BRWD1: variants seen among roughly 807,000 people sequenced by gnomAD.
The protein encoded by BRWD1 is bromodomain and WD repeat domain containing 1.
In BRWD1, 82 loss-of-function variants were observed where a neutral mutation model predicts 251.2. The observed-to-expected ratio is 0.33, with a 90% CI of 0.27 to 0.39. The LOEUF is 0.39. BRWD1 is among the 10% of genes least tolerant of loss of function. The pLI is 1.00. For missense variants in BRWD1, 2,233 were observed against 2,711.6 expected, an observed-to-expected ratio of 0.82 and a Z score of 3.92; for synonymous variants, 918 against 902.8, an observed-to-expected ratio of 1.02 and a Z score of -0.30.
intron 21 of BRWD1, among the ~76,000 whole-genome samples, chr21:39,247,076 CAA>C (rs542391369): frequency 3.1e-4 from 32 of 101,922 alleles, no homozygotes; most frequent in African/African-American, 1.0e-3. Context: ...GACTCCGTCT[CAA>C]AAAAAAAAAA....
chr21:39,232,512 G>T lies in BRWD1; in HGVS notation c.2767-14C>A. On this transcript the variant is annotated splice_polypyrimidine_tract_variant and intron_variant, in intron 23 of 40. Coordinates refer to ENST00000342449, the MANE Select transcript of BRWD1 (RefSeq NM_033656.4). ...CCTCCGCAAATTCTACCAAGGGGAA[G>T]AGAACAAAGTTTCTTAGATTAGAAA... 6.3e-7 allele frequency: 1 copy of T among 1,581,678 alleles called. No homozygotes were observed. Among genetic ancestry groups the T allele is most frequent in the South Asian group, 1.2e-5 (1 of 83,690 alleles).
chr21:39,189,951 TG>T lies in BRWD1; in HGVS notation c.*6307del, dbSNP rs1365396254. 3.0e-6 allele frequency: 3 copies of T among 985,304 alleles called. No homozygotes were observed. Among genetic ancestry groups the T allele is most frequent in the Admixed American group, 1.2e-4 (2 of 16,264 alleles). The allele number at this position is 985,304 out of a possible 1,614,324, so 61.0% of individuals were successfully genotyped here. A position where few individuals can be genotyped will look rare whatever the true frequency, so the allele number is the denominator to read the frequency against. On this transcript the variant is annotated 3_prime_UTR_variant, in exon 41 of 41. Coordinates refer to ENST00000342449, the MANE Select transcript of BRWD1 (RefSeq NM_033656.4). Reference sequence around the variant, plus strand: ...CCTCAGATGAGTCTTGTTTCAGTCATGGGTTTACAAAGTCATTGAGTGCTTG... The same window carrying T: ...CCTCAGATGAGTCTTGTTTCAGTCATGGTTTACAAAGTCATTGAGTGCTTG...
chr21:39,197,207 G>A lies in BRWD1; in HGVS notation c.5862C>T (p.His1954=). The A allele has an allele frequency of 6.2e-7, 1 of 1,614,028 alleles. No individual in the cohort carries two copies. Among genetic ancestry groups the A allele is most frequent in the Non-Finnish European group, 8.5e-7 (1 of 1,179,948 alleles). Residue 1954 remains histidine, a synonymous_variant, in exon 41 of 41, where the codon CAC becomes CAT. Coordinates refer to ENST00000342449, the MANE Select transcript of BRWD1 (RefSeq NM_033656.4). ...DVEDVSLENV[H]TRSKNGRKKP... ...TTTTCCTTCCATTTTTGCTTCTAGT[G>A]TGCACATTTTCTAAACTGACATCTT...
chr21:39,224,346 G>A, intron 29 of BRWD1, 62 bp downstream of exon 29: 3 of 949,838 alleles, frequency 3.2e-6, no homozygotes, highest in Non-Finnish European at 4.7e-6. Flanking sequence ...TGTTCCATGT[G>A]CACTGGCAAA....
At chr21:39,235,868 GA>G (rs1372933612) in intron 23 of BRWD1, 1 of 166,450 alleles carries the variant, frequency 6.0e-6, no homozygotes, top group African/African-American at 2.4e-5. Context: ...GATGTGTGGA[GA>G]GAACCATGGC....
intron 37 of BRWD1, among the ~76,000 whole-genome samples, chr21:39,203,698 C>T (rs563910982): frequency 1.3e-5 from 2 of 150,914 alleles, no homozygotes; most frequent in Admixed American, 1.3e-4. Flanking sequence ...TGAGCCACCG[C>T]GCCCAGCCGA....
rs1031478257 is a variant in BRWD1, at chr21:39,196,140, T to G, written c.*119A>C. 1.6e-5 allele frequency: 24 copies of G among 1,455,990 alleles called. No homozygotes were observed. Among genetic ancestry groups the G allele is most frequent in the Non-Finnish European group, 2.0e-5 (22 of 1,112,086 alleles). 90.2% of individuals were successfully genotyped at this position (1,455,990 alleles called of 1,614,324 possible). A position where few individuals can be genotyped will look rare whatever the true frequency, so the allele number is the denominator to read the frequency against. On this transcript the variant is annotated 3_prime_UTR_variant, in exon 41 of 41. Transcript: ENST00000342449. ...CATGATTTAGTCACATTCATAACTT[T>G]TCATAGAAAAATATAAATATATTCC...
Position 39,276,166 on chromosome 21 carries a change from C to T in BRWD1, c.1145+7G>A, listed in dbSNP as rs777671704. 1.0e-5 allele frequency: 16 copies of T among 1,606,240 alleles called. No individual in the cohort carries two copies. In the South Asian group the frequency reaches 1.2e-4, roughly 12 times the overall value. Reference sequence around the variant, plus strand: ...CACACACACACACATACAAAACACACACTTACCGATCACCATTGTTACAAA... The same window carrying T: ...CACACACACACACATACAAAACACATACTTACCGATCACCATTGTTACAAA... On this transcript the variant is annotated splice_region_variant and intron_variant, in intron 12 of 40. Transcript: ENST00000342449.
At chr21:39,294,980 C>T (rs919229271) in intron 7 of BRWD1, among the ~76,000 whole-genome samples, 2 of 152,026 alleles carry the variant, frequency 1.3e-5, no homozygotes, top group Non-Finnish European at 2.9e-5. Context: ...TTAATACTTA[C>T]TTGAACACTA....
intron 25 of BRWD1, among the ~76,000 whole-genome samples, chr21:39,230,130 TTAAG>T (rs1454331762): frequency 6.6e-6 from 1 of 152,220 alleles, no homozygotes; most frequent in Non-Finnish European, 1.5e-5. Context: ...AATCTTGATA[TTAAG>T]TTTCTGCCTA....
At chr21:39,218,347 A>G (rs1259703647) in intron 30 of BRWD1, 75 bp from the exon 31 acceptor site, 8 of 1,512,920 alleles carry the variant, frequency 5.3e-6, no homozygotes, top group Non-Finnish European at 7.1e-6. Flanking sequence ...GAAATCATTC[A>G]TAAGATATGG....
rs2031796053 is a variant in BRWD1 at position 39,196,097 on chromosome 21, G to A, written c.*162C>T. The A allele has an allele frequency of 2.9e-6, 4 of 1,386,276 alleles. No individual in the cohort carries two copies. The highest frequency in any genetic ancestry group is 9.3e-7 in the Non-Finnish European group (1 of 1,075,780). The allele number at this position is 1,386,276 out of a possible 1,614,324, so 85.9% of individuals were successfully genotyped here. On this transcript the variant is annotated 3_prime_UTR_variant, in exon 41 of 41. Coordinates refer to ENST00000342449, the MANE Select transcript of BRWD1 (RefSeq NM_033656.4). ...AATGCTGCTACAAAGACCAGCAAGT[G>A]CAAATAAAAATAACAGTCATGATTT...
intron 19 of BRWD1, among the ~76,000 whole-genome samples, chr21:39,252,046 C>T (rs2034411944): frequency 6.6e-6 from 1 of 151,946 alleles, no homozygotes; most frequent in Non-Finnish European, 1.5e-5. Context: ...GTACATGGAT[C>T]ACCTGAGGTC....
intron 37 of BRWD1, among the ~76,000 whole-genome samples, chr21:39,204,171 A>AG (rs2032277968): frequency 7.1e-6 from 1 of 140,224 alleles, no homozygotes; most frequent in Non-Finnish European, 1.5e-5. Context: ...AAAAAAAAAA[A>AG]GTGATCTGAT....
intron 4 of BRWD1, among the ~76,000 whole-genome samples, chr21:39,304,868 A>G (rs1017789457): frequency 6.6e-6 from 1 of 152,164 alleles, no homozygotes; most frequent in African/African-American, 2.4e-5. Flanking sequence ...TCAATTCAAT[A>G]GGAAAACAAA....
intron 8 of BRWD1, among the ~76,000 whole-genome samples, chr21:39,293,385 C>T (rs1367417222): frequency 1.3e-5 from 2 of 151,514 alleles, no homozygotes; most frequent in Admixed American, 6.6e-5. Context: ...TCTAGCTACT[C>T]GGGAGGCTGA....
At position 39,210,085 on chromosome 21, in the gene BRWD1, C is replaced by T. The variant is rs182568595; in HGVS notation, c.4107G>A (p.Ala1369=). The T allele has an allele frequency of 6.2e-5, 100 of 1,613,298 alleles. 1 individual carries two copies. The highest frequency in any genetic ancestry group is 6.0e-4 in the South Asian group (55 of 91,044). ...DFGTVRETLD[A]GNYDSPLEFC... ...ACTCCAAAGGGCTGTCATAATTTCCCGCATCTAGAGTTTCCCTTACTGTTC... is the reference window on the plus strand; with the variant it reads ...ACTCCAAAGGGCTGTCATAATTTCCTGCATCTAGAGTTTCCCTTACTGTTC... The change falls in exon 36 of 41, where the codon GCG becomes GCA. Residue 1369 remains alanine, a synonymous_variant. Transcript: ENST00000342449.
At chr21:39,222,551 G>A (rs1309595589) in intron 29 of BRWD1, among the ~76,000 whole-genome samples, 6 of 152,178 alleles carry the variant, frequency 3.9e-5, no homozygotes. Context: ...GGGGTTCCCA[G>A]TGGCCAAATC....
At chr21:39,249,961 C>T (rs954808077) in intron 20 of BRWD1, among the ~76,000 whole-genome samples, 1 of 147,088 alleles carries the variant, frequency 6.8e-6, no homozygotes, top group African/African-American at 2.6e-5. Flanking sequence ...TGTGTGTATA[C>T]ACACACACAT....
Sources: allele counts gnomAD v4.1 joint callset (sites outside exome capture counted in the v4.1 genomes callset), GRCh38; gene constraint gnomAD v4.1.1; transcripts MANE v1.5; gene names NCBI Gene and HGNC (gene_info 2026-07-23, HGNC 2026-07-21).